Variants in PTPRZ1 observed in about 807,000 individuals in gnomAD.
PTPRZ1 encodes protein tyrosine phosphatase receptor type Z1.
In PTPRZ1, 82 loss-of-function variants were observed where a neutral mutation model predicts 214.1. The ratio of observed to expected loss-of-function variants is 0.38; its 90% CI spans 0.32 to 0.46. The LOEUF is 0.46. Among genes scored for constraint, PTPRZ1 ranks in the 20% least tolerant of loss-of-function variants. The pLI is 1.00. For synonymous variants in PTPRZ1, 945 were observed against 987.9 expected (o/e 0.96, Z 0.81); for missense variants, 2,603 against 2,748.7 (o/e 0.95, Z 1.19).
intron 7 of PTPRZ1, 68 bp downstream of exon 7, chr7:121,983,890 G>A: frequency 6.3e-7 from 1 of 1,587,456 alleles, no homozygotes; most frequent in Non-Finnish European, 8.6e-7. Flanking sequence ...TTCTAAGTTT[G>A]CTATAAAATA....
intron 25 of PTPRZ1, 42 bp from the exon 26 acceptor site, chr7:122,053,868 G>C: frequency 6.2e-7 from 1 of 1,607,186 alleles, no homozygotes; most frequent in Non-Finnish European, 8.5e-7. Context: ...ATGTTTAAAG[G>C]CATACGCCAG....
At position 122,054,050 on chromosome 7, in the gene PTPRZ1, A is replaced by G; in HGVS notation, c.6381+12A>G. 6.2e-7 allele frequency: 1 copy of G among 1,612,318 alleles called. No individual in the cohort carries two copies. The highest frequency in any genetic ancestry group is 8.5e-7 in the Non-Finnish European group (1 of 1,178,786). On this transcript the variant is annotated intron_variant, in intron 26 of 29. Transcript: ENST00000393386. ...ATGGCCAAAACATGGTAAGTCCCTT[A>G]GACCACTTTTGGGACTTCCTTTACA...
rs78810339 is a variant in PTPRZ1, at chr7:121,924,621, T to C, written c.59-3535T>C. Among the ~76,000 whole-genome samples the C allele has an allele frequency of 9.5e-3, 1,449 of 152,260 alleles. 23 individuals carry two copies. Among genetic ancestry groups the C allele is most frequent in the African/African-American group, 0.031 (1,298 of 41,532 alleles). On this transcript the variant is annotated intron_variant, in intron 1 of 29. Coordinates refer to ENST00000393386, the MANE Select transcript of PTPRZ1 (RefSeq NM_002851.3). The stretch of plus-strand genomic sequence containing the variant: ...AAAACTCTACAAGGAAAGCTAAAAT[T>C]CTGCTGATGTTTTGCTGTTATCCTT...
chr7:122,012,916 T>G lies in PTPRZ1; in HGVS notation c.3870T>G (p.Asp1290Glu). The G allele has an allele frequency of 1.2e-6, 2 of 1,614,170 alleles. No individual in the cohort carries two copies. The highest frequency in any genetic ancestry group is 2.2e-5 in the East Asian group (1 of 44,876). ...HQVVPSLYSN[D>E]ELFQTANLEI... is the part of the protein sequence containing the mutation. Reference sequence around the variant, plus strand: ...TGGTACCTTCTTTGTACAGTAATGATGAGTTGTTCCAAACGGCCAATTTGG... The same window carrying G: ...TGGTACCTTCTTTGTACAGTAATGAGGAGTTGTTCCAAACGGCCAATTTGG... The change falls in exon 12 of 30, where the codon GAT becomes GAG. Residue 1290 changes from aspartate (D) to glutamate (E), a missense_variant. This residue lies in a region of PTPRZ1 where 1,913 missense variants were observed against 1,914.3 expected (regional missense o/e 1.00). Coordinates refer to ENST00000393386, the MANE Select transcript of PTPRZ1 (RefSeq NM_002851.3).
Position 122,034,286 on chromosome 7 carries a change from T to C in PTPRZ1, c.5192T>C (p.Val1731Ala). The C allele has an allele frequency of 6.2e-7, 1 of 1,612,860 alleles. No individual in the cohort carries two copies. The highest frequency in any genetic ancestry group is 1.7e-4 in the Middle Eastern group (1 of 6,056). Residue 1731 changes from valine (V) to alanine (A), a missense_variant, in exon 17 of 30, where the codon GTG becomes GCG. Val to Ala is a moderately conservative substitution (Grantham distance 64). Coordinates refer to ENST00000393386, the MANE Select transcript of PTPRZ1 (RefSeq NM_002851.3). ...TTTACATATAATTTTTTACAGGAAG[T>C]GCAGAGCTGTACTGTTGACTTAGGT... The part of the protein sequence containing the change: ...FETLKEFYQE[V>A]QSCTVDLGIT...
At chr7:122,017,733 TG>T (rs1342300913) in intron 12 of PTPRZ1, among the ~76,000 whole-genome samples, 1 of 151,492 alleles carries the variant, frequency 6.6e-6, no homozygotes, top group Non-Finnish European at 1.5e-5. Context: ...GGCTAATTTT[TG>T]TATTTTTTAT....
intron 1 of PTPRZ1, among the ~76,000 whole-genome samples, chr7:121,894,117 G>A (rs529908094): frequency 1.7e-4 from 26 of 152,036 alleles, no homozygotes; most frequent in Non-Finnish European, 3.5e-4. Context: ...ACAAAGTTAG[G>A]CATATTTCTA....
Position 121,943,975 on chromosome 7 carries a change from T to C in PTPRZ1, c.124+15754T>C, listed in dbSNP as rs545696994. Reference sequence around the variant, plus strand: ...GCTTCAGCTCTCTGGATGAGGTATATTGACATTTAAAAAGTAGCAGTATTG... The same window carrying C: ...GCTTCAGCTCTCTGGATGAGGTATACTGACATTTAAAAAGTAGCAGTATTG... On this transcript the variant is annotated intron_variant, in intron 2 of 29. Coordinates refer to ENST00000393386, the MANE Select transcript of PTPRZ1 (RefSeq NM_002851.3). Among the ~76,000 whole-genome samples the C allele has an allele frequency of 3.3e-5, 5 of 152,360 alleles. No homozygotes were observed. The East Asian group carries it at 7.7e-4, about 24-fold the overall frequency.
chr7:122,005,139 TA>T (rs1798446634), intron 11 of PTPRZ1, among the ~76,000 whole-genome samples: 2 of 152,130 alleles, frequency 1.3e-5, no homozygotes, highest in East Asian at 1.9e-4. Flanking sequence ...TTTAAGTTGA[TA>T]AATATTAATT....
At chr7:121,885,684 C>A (rs1794374369) in intron 1 of PTPRZ1, among the ~76,000 whole-genome samples, 1 of 152,092 alleles carries the variant, frequency 6.6e-6, no homozygotes, top group South Asian at 2.1e-4. Context: ...TTATACCAAC[C>A]CTTCCCCACC....
chr7:122,035,928 A>G (rs987610407), intron 17 of PTPRZ1, among the ~76,000 whole-genome samples: 2 of 152,226 alleles, frequency 1.3e-5, no homozygotes, highest in African/African-American at 2.4e-5. Flanking sequence ...TTGAATTACC[A>G]TAGTTATACC....
chr7:121,914,046 G>C (rs1048245875), intron 1 of PTPRZ1, among the ~76,000 whole-genome samples: 1 of 152,136 alleles, frequency 6.6e-6, no homozygotes. Context: ...TGGTGTGGTG[G>C]CTCATGCCTC....
At chr7:121,910,683 G>C (rs951274507) in intron 1 of PTPRZ1, among the ~76,000 whole-genome samples, 1 of 152,100 alleles carries the variant, frequency 6.6e-6, no homozygotes, top group Non-Finnish European at 1.5e-5. Flanking sequence ...GACAAAACAA[G>C]GGACACAAGT....
intron 1 of PTPRZ1, among the ~76,000 whole-genome samples, chr7:121,885,330 G>C (rs1338807060): frequency 6.6e-6 from 1 of 152,162 alleles, no homozygotes; most frequent in Non-Finnish European, 1.5e-5. Flanking sequence ...AAATTTCCAA[G>C]AATGTTTAGG....
intron 11 of PTPRZ1, among the ~76,000 whole-genome samples, chr7:122,005,227 G>A (rs1798450525): frequency 6.6e-6 from 1 of 151,818 alleles, no homozygotes; most frequent in African/African-American, 2.4e-5. Context: ...AAATGTATAG[G>A]TATTTGAGAC....
Position 122,036,661 on chromosome 7 carries a change from T to C in PTPRZ1, c.5346T>C (p.Tyr1782=), listed in dbSNP as rs747609042. 45 of 1,604,224 alleles carry C rather than the reference T, an allele frequency of 2.8e-5. No individual in the cohort carries two copies. The highest frequency in any genetic ancestry group is 2.0e-4 in the Admixed American group (12 of 59,980). The change falls in exon 18 of 30, where the codon TAT becomes TAC. Residue 1782 remains tyrosine (Y), a synonymous_variant. Transcript: ENST00000393386. ...LAEKDGKLTD[Y]INANYVDGYN... ...AAAAGGATGGCAAACTGACTGATTATATCAATGCCAATTATGTTGATGTAA... is the reference window on the plus strand; with the variant it reads ...AAAAGGATGGCAAACTGACTGATTACATCAATGCCAATTATGTTGATGTAA...
At chr7:121,929,210 C>G (rs576501883) in intron 2 of PTPRZ1, among the ~76,000 whole-genome samples, 1 of 152,134 alleles carries the variant, frequency 6.6e-6, no homozygotes, top group Non-Finnish European at 1.5e-5. Flanking sequence ...TAAAAAACTG[C>G]TATAGTCCTT....
chr7:122,026,471 A>G (rs967763859), intron 13 of PTPRZ1, among the ~76,000 whole-genome samples: 1 of 152,180 alleles, frequency 6.6e-6, no homozygotes, highest in Non-Finnish European at 1.5e-5. Context: ...TCATAGTTGC[A>G]CAGATAAGCC....
chr7:122,058,628 G>A (rs1165015911), intron 27 of PTPRZ1, among the ~76,000 whole-genome samples, 172 bp from the exon 28 acceptor site: 1 of 151,978 alleles, frequency 6.6e-6, no homozygotes, highest in Non-Finnish European at 1.5e-5. Flanking sequence ...TGTTAAATGT[G>A]GCATCACAAC....
Sources: gnomAD v4.1 joint callset for allele counts (sites outside exome capture counted in the v4.1 genomes callset) on GRCh38, gnomAD v4.1.1 for gene constraint, gnomAD v4.1.1 regional missense constraint, MANE v1.5 for transcripts, NCBI Gene and HGNC (gene_info 2026-07-23, HGNC 2026-07-21) for gene names.